Variants in PARN observed in about 807,000 individuals in gnomAD.
The protein encoded by PARN is poly(A)-specific ribonuclease, also known as poly(A)-specific ribonuclease PARN.
A neutral mutation model predicts 102.8 loss-of-function variants in PARN; 71 were observed. The ratio of observed to expected loss-of-function variants is 0.69; its 90% CI spans 0.57 to 0.84. The LOEUF (loss-of-function observed/expected upper bound fraction) is 0.84, where lower values mean the gene tolerates loss of function less well. PARN is among the 40% of genes least tolerant of loss of function. The pLI, the probability that PARN is intolerant of heterozygous loss-of-function variation, is 0.00. For synonymous variants in PARN, 261 were observed against 252.9 expected, an observed-to-expected ratio of 1.03 and a Z score of -0.30; for missense variants, 782 against 760.9, an observed-to-expected ratio of 1.03 and a Z score of -0.33.
At chr16:14,475,931 T>G (rs186595118) in intron 22 of PARN, among the ~76,000 whole-genome samples, 3 of 152,270 alleles carry the variant, frequency 2.0e-5, no homozygotes, top group Admixed American at 2.0e-4. Flanking sequence ...TTACACAATA[T>G]GTAGAAGTAA....
intron 21 of PARN, among the ~76,000 whole-genome samples, chr16:14,490,217 T>C (rs956365345): frequency 1.3e-5 from 2 of 152,170 alleles, no homozygotes; most frequent in African/African-American, 4.8e-5. Context: ...ATTGGCTATT[T>C]CCTCTGTTAG....
At chr16:14,514,649 T>C (rs971855975) in intron 21 of PARN, among the ~76,000 whole-genome samples, 1 of 152,242 alleles carries the variant, frequency 6.6e-6, no homozygotes, top group Non-Finnish European at 1.5e-5. Context: ...ACTTAAAATA[T>C]GCCATATTTT....
chr16:14,504,965 T>G (rs1443468070), intron 21 of PARN, among the ~76,000 whole-genome samples: 1 of 152,244 alleles, frequency 6.6e-6, no homozygotes, highest in Non-Finnish European at 1.5e-5. Flanking sequence ...ATATACAGTG[T>G]ACGTGCAGTG....
At chr16:14,592,456 G>A (rs1410332736) in intron 13 of PARN, among the ~76,000 whole-genome samples, 1 of 152,198 alleles carries the variant, frequency 6.6e-6, no homozygotes, top group Admixed American at 6.5e-5. Flanking sequence ...AGCGCAGAGT[G>A]GCGAGGGACA....
chr16:14,606,597 A>G, intron 9 of PARN, 71 bp from the exon 10 acceptor site: 1 of 758,326 alleles, frequency 1.3e-6, no homozygotes, highest in East Asian at 2.7e-5. Flanking sequence ...TTTTATAAGC[A>G]ACTATCCAGC....
At chr16:14,521,650 T>C (rs1965735753) in intron 21 of PARN, among the ~76,000 whole-genome samples, 1 of 151,816 alleles carries the variant, frequency 6.6e-6, no homozygotes, top group Admixed American at 6.6e-5. Flanking sequence ...AATACAGAAT[T>C]AGCAGGGTGT....
At chr16:14,536,888 A>G (rs774318511) in intron 21 of PARN, among the ~76,000 whole-genome samples, 40 of 152,222 alleles carry the variant, frequency 2.6e-4, no homozygotes, top group Non-Finnish European at 4.3e-4. Context: ...TGGTCCAGAC[A>G]AAGATTTTAC....
At chr16:14,529,778 C>T (rs1457613027) in intron 21 of PARN, among the ~76,000 whole-genome samples, 1 of 152,134 alleles carries the variant, frequency 6.6e-6, no homozygotes, top group Non-Finnish European at 1.5e-5. Flanking sequence ...CCCATGAGGA[C>T]TCGGCATCCC....
At chr16:14,462,255 G>T (rs1263060180) in intron 22 of PARN, among the ~76,000 whole-genome samples, 1 of 151,974 alleles carries the variant, frequency 6.6e-6, no homozygotes, top group Non-Finnish European at 1.5e-5. Context: ...AATTAAAATA[G>T]GAGTTGAAAG....
At chr16:14,536,549 T>C (rs934676907) in intron 21 of PARN, among the ~76,000 whole-genome samples, 1 of 152,224 alleles carries the variant, frequency 6.6e-6, no homozygotes, top group African/African-American at 2.4e-5. Flanking sequence ...ACCTGCTTTC[T>C]AAAGTGTGCT....
chr16:14,483,601 C>A (rs960859055), intron 21 of PARN, among the ~76,000 whole-genome samples: 1 of 152,066 alleles, frequency 6.6e-6, no homozygotes, highest in Non-Finnish European at 1.5e-5. Context: ...CAAATTTGTA[C>A]ACCCACATGT....
chr16:14,459,421 T>C (rs762666099), intron 22 of PARN, among the ~76,000 whole-genome samples: 23 of 152,156 alleles, frequency 1.5e-4, no homozygotes, highest in Non-Finnish European at 2.9e-4. Context: ...TGACTTACAA[T>C]AGATCAAAAG....
intron 18 of PARN, among the ~76,000 whole-genome samples, chr16:14,559,146 T>G (rs886951437): frequency 6.6e-6 from 1 of 151,998 alleles, no homozygotes; most frequent in Admixed American, 6.5e-5. Context: ...GGAAACTCAG[T>G]GTTGTAAAAA....
chr16:14,472,102 G>A (rs1422104932), intron 22 of PARN, among the ~76,000 whole-genome samples: 3 of 152,152 alleles, frequency 2.0e-5, no homozygotes, highest in Non-Finnish European at 4.4e-5. Flanking sequence ...ACATTCATTC[G>A]TCTTTCCTGG....
intron 22 of PARN, among the ~76,000 whole-genome samples, chr16:14,451,591 G>A (rs1349274588): frequency 6.6e-6 from 1 of 152,028 alleles, no homozygotes; most frequent in Non-Finnish European, 1.5e-5. Flanking sequence ...CTAATCTTCA[G>A]AGAAAAAAAT....
chr16:14,464,087 C>T (rs933393548), intron 22 of PARN, among the ~76,000 whole-genome samples: 12 of 152,166 alleles, frequency 7.9e-5, no homozygotes, highest in Non-Finnish European at 1.3e-4. Flanking sequence ...AAGAGATCCA[C>T]CTGCCCCGGC....
chr16:14,480,052 G>T (rs1190462624), intron 22 of PARN, among the ~76,000 whole-genome samples: 1 of 152,110 alleles, frequency 6.6e-6, no homozygotes, highest in African/African-American at 2.4e-5. Context: ...AAAGTATTTG[G>T]CTGGGTCTGG....
chr16:14,493,072 AAAC>A (rs749040871), intron 21 of PARN, among the ~76,000 whole-genome samples: 7 of 152,152 alleles, frequency 4.6e-5, no homozygotes, highest in South Asian at 4.1e-4. Flanking sequence ...GCATATTCTC[AAAC>A]AACAATAAAA....
At chr16:14,592,197 A>C (rs907344522) in intron 13 of PARN, 3 of 152,240 alleles carry the variant, frequency 2.0e-5, no homozygotes, top group Admixed American at 2.0e-4. Context: ...AGGAGAAAGA[A>C]GTGGTTTGGA....
Sources: gnomAD v4.1 joint callset for allele counts (sites outside exome capture counted in the v4.1 genomes callset) on GRCh38, gnomAD v4.1.1 for gene constraint, MANE v1.5 for transcripts, NCBI Gene and HGNC (gene_info 2026-07-23, HGNC 2026-07-21) for gene names.